Variants in TENM1 observed in about 807,000 individuals in gnomAD.
The protein encoded by TENM1 is teneurin-1.
A neutral mutation model predicts 174.8 loss-of-function variants in TENM1; 35 were observed. The observed-to-expected ratio is 0.20, with a 90% CI of 0.15 to 0.27. The LOEUF (loss-of-function observed/expected upper bound fraction) is 0.27. TENM1 is among the 10% of genes least tolerant of loss of function. The pLI is 1.00. For missense variants in TENM1, 1,633 were observed against 2,130.1 expected, an observed-to-expected ratio of 0.77 and a Z score of 4.59; for synonymous variants, 781 against 798.7, an observed-to-expected ratio of 0.98 and a Z score of 0.37.
At chrX:124,986,476 G>T in the TENM1 span, among the ~76,000 whole-genome samples, 3 of 111,964 alleles carry the variant, frequency 2.7e-5, no homozygotes, top group African/African-American at 9.7e-5. Flanking sequence ...GATTCCCTCT[G>T]AATACAGCAC....
Position 124,886,548 on chromosome X carries a change from T to TATATAG in TENM1, c.535+7747_535+7748insCTATAT, listed in dbSNP as rs1187597592. On this transcript the variant is annotated intron_variant, in intron 3 of 31. Transcript: ENST00000422452. ...ATATATATATATATATATATATATA[T>TATATAG]AGAGAGAGAGAGAGAGAGAGAGAGA... 4.7e-3 allele frequency among the ~76,000 whole-genome samples: 283 copies of TATATAG among 59,963 alleles called. 1 individual carries two copies. Among genetic ancestry groups the TATATAG allele is most frequent in the Non-Finnish European group, 6.8e-3 (231 of 33,743 alleles). The allele number at this position is 59,963 out of a possible 115,157, so 52.1% of individuals were successfully genotyped here. A position where few individuals can be genotyped will look rare whatever the true frequency, so the allele number is the denominator to read the frequency against.
chrX:125,159,832 A>C, the TENM1 span, among the ~76,000 whole-genome samples: 1 of 112,000 alleles, frequency 8.9e-6, no homozygotes, highest in Non-Finnish European at 1.9e-5. Flanking sequence ...AGAGCAGTGC[A>C]TGAGCACATG....
At chrX:124,925,624 T>G (rs73634538) in intron 1 of TENM1, among the ~76,000 whole-genome samples, 1,399 of 112,152 alleles carry the variant, frequency 0.012, 14 homozygotes, top group African/African-American at 0.043. Context: ...CCATAAAAGA[T>G]AAACAAAGTG....
At chrX:124,560,530 T>C (rs754122098) in intron 14 of TENM1, among the ~76,000 whole-genome samples, 1 of 111,314 alleles carries the variant, frequency 9.0e-6, no homozygotes, top group East Asian at 2.8e-4. Context: ...AGTATCTGAA[T>C]CCAGACAGTT....
At chrX:124,412,506 T>G (rs932323097) in intron 25 of TENM1, among the ~76,000 whole-genome samples, 2 of 112,310 alleles carry the variant, frequency 1.8e-5, no homozygotes, top group African/African-American at 6.5e-5. Flanking sequence ...AAAAAAAAAT[T>G]GCAGATAATA....
chrX:124,617,536 C>T (rs1284898943), intron 11 of TENM1, among the ~76,000 whole-genome samples: 1 of 111,570 alleles, frequency 9.0e-6, no homozygotes, highest in Admixed American at 9.5e-5. Context: ...GGCTAGCCTC[C>T]GCCTTGGAGG....
chrX:124,446,856 G>C (rs1443541810), intron 23 of TENM1, among the ~76,000 whole-genome samples: 1 of 112,035 alleles, frequency 8.9e-6, no homozygotes, highest in African/African-American at 3.2e-5. Flanking sequence ...AGTTTCAAAA[G>C]GTGGGAACTC....
chrX:124,630,654 T>C (rs1299716333), intron 11 of TENM1, among the ~76,000 whole-genome samples: 5 of 111,905 alleles, frequency 4.5e-5, no homozygotes, highest in African/African-American at 1.6e-4. Context: ...ATCTGCTGAT[T>C]TGAGTGACCC....
exon 14 of TENM1, chrX:124,561,740 CCACCTGACA>C: frequency 8.3e-7 from 1 of 1,211,240 alleles, no homozygotes; most frequent in Non-Finnish European, 1.1e-6. Flanking sequence ...CCACTCCAAC[CCACCTGACA>C]CACACAGTGC....
intron 3 of TENM1, among the ~76,000 whole-genome samples, chrX:124,829,547 A>G (rs184354556): frequency 3.6e-4 from 40 of 112,045 alleles, no homozygotes; most frequent in African/African-American, 1.2e-3. Context: ...CACACATGCT[A>G]GATGATGGAA....
At chrX:124,424,957 C>T (rs996488958) in intron 23 of TENM1, among the ~76,000 whole-genome samples, 1 of 111,179 alleles carries the variant, frequency 9.0e-6, no homozygotes, top group Non-Finnish European at 1.9e-5. Flanking sequence ...AACCGTGAGC[C>T]AATGAAACCT....
chrX:124,993,019 A>G, the TENM1 span, among the ~76,000 whole-genome samples: 1 of 110,930 alleles, frequency 9.0e-6, no homozygotes, highest in African/African-American at 3.3e-5. Context: ...GCTATAGCTA[A>G]AACTTCTGCT....
intron 27 of TENM1, among the ~76,000 whole-genome samples, chrX:124,395,269 G>A (rs2060320871): frequency 1.8e-5 from 2 of 111,482 alleles, no homozygotes; most frequent in African/African-American, 3.3e-5. Flanking sequence ...ACATCTATTG[G>A]CCACATGTGT....
At chrX:124,998,437 C>T in the TENM1 span, among the ~76,000 whole-genome samples, 1 of 106,112 alleles carries the variant, frequency 9.4e-6, no homozygotes, top group Non-Finnish European at 1.9e-5. Flanking sequence ...ATATAAAATT[C>T]GACAACAGCA....
intron 11 of TENM1, among the ~76,000 whole-genome samples, chrX:124,618,397 TAG>T (rs1017211176): frequency 2.7e-5 from 3 of 111,969 alleles, no homozygotes; most frequent in African/African-American, 9.7e-5. Context: ...CATTAGTCAG[TAG>T]AGTTTTATAT....
At chrX:124,965,365 C>T (rs180799494), upstream of TENM1, among the ~76,000 whole-genome samples, 110 of 111,868 alleles carry the variant, frequency 9.8e-4, 1 homozygote, top group African/African-American at 3.3e-3. Context: ...AGGCGTGAGG[C>T]ACCACGCCCG....
chrX:124,403,337 G>A (rs1425678361), intron 27 of TENM1, among the ~76,000 whole-genome samples: 1 of 109,041 alleles, frequency 9.2e-6, no homozygotes, highest in Non-Finnish European at 1.9e-5. Flanking sequence ...TGGCGAACAC[G>A]GTGAAATCCC....
At chrX:124,482,052 T>G in intron 21 of TENM1, 88 bp from the exon 25 acceptor site, 2 of 523,338 alleles carry the variant, frequency 3.8e-6, no homozygotes, top group Non-Finnish European at 6.5e-6. Flanking sequence ...GGAAAAATCT[T>G]TTGATAGATG....
At chrX:124,835,400 G>T (rs1009352981) in intron 3 of TENM1, among the ~76,000 whole-genome samples, 3 of 112,167 alleles carry the variant, frequency 2.7e-5, no homozygotes, top group African/African-American at 9.7e-5. Context: ...CCTCTCATCT[G>T]TGAAATGCTG....
Sources: gnomAD v4.1 joint callset for allele counts (sites outside exome capture counted in the v4.1 genomes callset) on GRCh38, gnomAD v4.1.1 for gene constraint, MANE v1.5 for transcripts, NCBI Gene and HGNC (gene_info 2026-07-23, HGNC 2026-07-21) for gene names.